The following RABGAP1L variants were observed in gnomAD, a reference collection of about 807,000 sequenced individuals.
RABGAP1L encodes the protein RAB GTPase activating protein 1 like.
A neutral mutation model predicts 137.7 loss-of-function variants in RABGAP1L; 63 were observed. The observed-to-expected ratio is 0.46, with a 90% CI of 0.37 to 0.56. The LOEUF (loss-of-function observed/expected upper bound fraction) is 0.56, where lower values mean the gene tolerates loss of function less well. RABGAP1L is among the 20% of genes least tolerant of loss of function. The pLI is 0.00. For synonymous variants in RABGAP1L, 431 were observed against 433.7 expected, an observed-to-expected ratio of 0.99 and a Z score of 0.08; for missense variants, 1,095 against 1,244.0, an observed-to-expected ratio of 0.88 and a Z score of 1.80.
chr1:174,321,988 ATT>A (rs57693085), intron 11 of RABGAP1L, among the ~76,000 whole-genome samples: 1 of 151,836 alleles, frequency 6.6e-6, no homozygotes, highest in East Asian at 1.9e-4. Flanking sequence ...ATATTAGACA[ATT>A]TTTTTATCAG....
At chr1:174,980,399 A>T (rs966923606) in intron 23 of RABGAP1L, among the ~76,000 whole-genome samples, 1 of 152,240 alleles carries the variant, frequency 6.6e-6, no homozygotes, top group South Asian at 2.1e-4. Context: ...GAAGCTTATC[A>T]TATAATGTGG....
At chr1:174,260,296 G>A (rs565989198) in intron 7 of RABGAP1L, among the ~76,000 whole-genome samples, 73 of 152,212 alleles carry the variant, frequency 4.8e-4, no homozygotes, top group African/African-American at 1.7e-3. Context: ...TATATACTAG[G>A]TTTAAAATTA....
Position 174,448,338 on chromosome 1 carries a change from C to G in RABGAP1L, c.1710+54193C>G, listed in dbSNP as rs1421389911. 4 of 1,613,414 alleles carry G rather than the reference C, an allele frequency of 2.5e-6. No homozygotes were observed. On this transcript the variant is annotated intron_variant, in intron 13 of 25. Coordinates refer to ENST00000681986, the MANE Select transcript of RABGAP1L (RefSeq NM_001366446.1). This position sits in a 1 kb window ranked among gnomAD's most constrained non-coding sequence, Gnocchi z 4.2. The stretch of plus-strand genomic sequence containing the variant: ...GCTCCACTGTTACATCATTATACTA[C>G]CAGCTATTTCATTCAGACGATGGCA...
intron 13 of RABGAP1L, among the ~76,000 whole-genome samples, chr1:174,443,825 A>C (rs2149238178): frequency 6.6e-6 from 1 of 152,128 alleles, no homozygotes; most frequent in East Asian, 1.9e-4. Flanking sequence ...CTTACCTTTA[A>C]GTTTTTAATC....
chr1:174,338,792 A>G (rs547931377), intron 11 of RABGAP1L, among the ~76,000 whole-genome samples: 88 of 152,198 alleles, frequency 5.8e-4, no homozygotes, highest in South Asian at 2.7e-3. Flanking sequence ...GAAGCAAATA[A>G]AATATGAATT....
chr1:174,548,265 T>C, intron 13 of RABGAP1L: 2 of 1,372,800 alleles, frequency 1.5e-6, no homozygotes, highest in Non-Finnish European at 1.9e-6. Context: ...GTTTTTAAAC[T>C]CTTTGCTATA....
Position 174,550,999 on chromosome 1 carries a change from C to CATATATATATATAT in RABGAP1L, c.1711-86366_1711-86353dup, listed in dbSNP as rs549477266. ...GTATATATACATATATATATATACACATATATATATATATATATATATACA... is the reference window on the plus strand; with the variant it reads ...GTATATATACATATATATATATACACATATATATATATATATATATATATATATATATATATACA... On this transcript the variant is annotated intron_variant, in intron 13 of 25. Transcript: ENST00000681986. 2.4e-3 allele frequency among the ~76,000 whole-genome samples: 206 copies of CATATATATATATAT among 86,308 alleles called. 12 individuals carry two copies. The highest frequency in any genetic ancestry group is 0.016 in the African/African-American group (193 of 12,024). 56.6% of individuals were successfully genotyped at this position (86,308 alleles called of 152,430 possible).
intron 13 of RABGAP1L, among the ~76,000 whole-genome samples, chr1:174,402,898 A>G (rs892757887): frequency 6.6e-6 from 1 of 152,148 alleles, no homozygotes; most frequent in Non-Finnish European, 1.5e-5. Context: ...GGGCAAGTCA[A>G]ATTTTATGTA....
intron 13 of RABGAP1L, among the ~76,000 whole-genome samples, chr1:174,602,295 C>T (rs754859826): frequency 1.3e-5 from 2 of 152,152 alleles, no homozygotes; most frequent in African/African-American, 2.4e-5. Flanking sequence ...GCTAAAGGCA[C>T]CTCTTAAGTG....
intron 14 of RABGAP1L, among the ~76,000 whole-genome samples, chr1:174,642,562 T>C (rs1224925723): frequency 1.3e-5 from 2 of 152,172 alleles, no homozygotes; most frequent in Non-Finnish European, 2.9e-5. Flanking sequence ...TTGACTACTT[T>C]TAATTCAACT....
chr1:174,301,386 T>C lies in RABGAP1L; in HGVS notation c.1324-3600T>C, dbSNP rs547000119. ...GCCATCTGGAATGGATGGCGGTGTG[T>C]TAACCACTCTTTCAGCCCCTTGCCC... On this transcript the variant is annotated intron_variant, in intron 10 of 25. Transcript: ENST00000681986. Among the ~76,000 whole-genome samples the C allele has an allele frequency of 7.4e-4, 110 of 149,036 alleles. 1 individual carries two copies. The highest frequency in any genetic ancestry group is 2.5e-3 in the African/African-American group (100 of 40,600).
chr1:174,577,433 A>T (rs1668463267), intron 13 of RABGAP1L, among the ~76,000 whole-genome samples: 1 of 151,930 alleles, frequency 6.6e-6, no homozygotes, highest in African/African-American at 2.4e-5. Context: ...ATATTAAAAA[A>T]CACCTATAAA....
At position 174,448,907 on chromosome 1, in the gene RABGAP1L, G is replaced by A; in HGVS notation, c.1710+54762G>A. 1.2e-6 allele frequency: 2 copies of A among 1,613,878 alleles called. No individual in the cohort carries two copies. The highest frequency in any genetic ancestry group is 1.7e-6 in the Non-Finnish European group (2 of 1,179,808). On this transcript the variant is annotated intron_variant, in intron 13 of 25. Transcript: ENST00000681986. The surrounding 1 kb of genome is among the most constrained non-coding windows in gnomAD (Gnocchi z 4.2). The stretch of plus-strand genomic sequence containing the variant: ...CAGCCCTGACCGTCGCTACGCCATG[G>A]TTTTGTTTAGGATAACCAGTGTATT...
chr1:174,350,129 G>T (rs1188801923), intron 11 of RABGAP1L, among the ~76,000 whole-genome samples: 2 of 139,272 alleles, frequency 1.4e-5, no homozygotes, highest in Non-Finnish European at 1.6e-5. Context: ...GGCTGGCCGG[G>T]TGGGGGGGCT....
chr1:174,308,357 T>G (rs2148785374), intron 11 of RABGAP1L, among the ~76,000 whole-genome samples: 1 of 152,250 alleles, frequency 6.6e-6, no homozygotes, highest in East Asian at 1.9e-4. Flanking sequence ...GATTGTTTCC[T>G]TTGTTTTGCA....
chr1:174,305,915 C>G (rs1011974233), intron 11 of RABGAP1L, among the ~76,000 whole-genome samples: 2 of 152,152 alleles, frequency 1.3e-5, no homozygotes, highest in African/African-American at 2.4e-5. Flanking sequence ...TCCCTCCCCC[C>G]TCCTCCCACC....
chr1:174,514,833 G>C (rs1558299184), intron 13 of RABGAP1L, among the ~76,000 whole-genome samples: 1 of 152,134 alleles, frequency 6.6e-6, no homozygotes, highest in Non-Finnish European at 1.5e-5. Context: ...GTCTGTTGCA[G>C]TACTTCTCAA....
chr1:174,278,531 T>G (rs1173676298), intron 9 of RABGAP1L, 82 bp from the exon 10 acceptor site: 9 of 1,101,084 alleles, frequency 8.2e-6, no homozygotes, highest in South Asian at 4.4e-5. Context: ...GAACTTTAAT[T>G]CTTTCATAAG....
At chr1:174,219,504 G>T (rs1669594197) in intron 2 of RABGAP1L, among the ~76,000 whole-genome samples, 1 of 151,990 alleles carries the variant, frequency 6.6e-6, no homozygotes, top group African/African-American at 2.4e-5. Context: ...ATTTTAGGGG[G>T]AAGAATAAAA....
Sources: allele counts gnomAD v4.1 joint callset (sites outside exome capture counted in the v4.1 genomes callset), GRCh38; gene constraint gnomAD v4.1.1; non-coding constraint Gnocchi (gnomAD v3.1); transcripts MANE v1.5; gene names NCBI Gene and HGNC (gene_info 2026-07-23, HGNC 2026-07-21).